The following GAD2 variants were observed in gnomAD, a reference collection of about 807,000 sequenced individuals.
GAD2 encodes the protein glutamate decarboxylase 2.
A neutral mutation model predicts 80.1 loss-of-function variants in GAD2; 22 were observed. The ratio of observed to expected loss-of-function variants is 0.27; its 90% CI spans 0.20 to 0.39. The LOEUF (loss-of-function observed/expected upper bound fraction) is 0.39. GAD2 is among the 10% of genes least tolerant of loss of function. The pLI is 1.00. For synonymous variants in GAD2, 274 were observed against 256.9 expected, an observed-to-expected ratio of 1.07 and a Z score of -0.64; for missense variants, 624 against 738.4, an observed-to-expected ratio of 0.85 and a Z score of 1.80.
chr10:26,255,954 T>G (rs902746349), intron 8 of GAD2, among the ~76,000 whole-genome samples: 1 of 152,132 alleles, frequency 6.6e-6, no homozygotes, highest in African/African-American at 2.4e-5. Context: ...GGGCTTAGCC[T>G]ATGTTGACAA....
chr10:26,225,093 C>T (rs1844504083), intron 6 of GAD2, among the ~76,000 whole-genome samples: 1 of 152,216 alleles, frequency 6.6e-6, no homozygotes, highest in Admixed American at 6.5e-5. Flanking sequence ...ATATGGACCA[C>T]TCTGTCTTTG....
intron 6 of GAD2, among the ~76,000 whole-genome samples, chr10:26,226,491 A>C (rs1373654616): frequency 6.6e-6 from 1 of 152,216 alleles, no homozygotes; most frequent in Non-Finnish European, 1.5e-5. Flanking sequence ...AGACAGCAGA[A>C]AAGGTCATTG....
intron 8 of GAD2, among the ~76,000 whole-genome samples, chr10:26,247,577 GGT>G (rs1223782197): frequency 1.3e-5 from 2 of 152,032 alleles, no homozygotes; most frequent in African/African-American, 4.8e-5. Flanking sequence ...CAGCAAATAC[GGT>G]GGCTCACGTG....
intron 4 of GAD2, among the ~76,000 whole-genome samples, chr10:26,223,123 G>A (rs1360752281): frequency 2.6e-5 from 4 of 152,228 alleles, no homozygotes; most frequent in Admixed American, 6.5e-5. Context: ...TAAGCCTTGC[G>A]ATGGACTAAT....
At chr10:26,297,130 T>C (rs1203868343) in intron 15 of GAD2, among the ~76,000 whole-genome samples, 4 of 152,088 alleles carry the variant, frequency 2.6e-5, no homozygotes, top group African/African-American at 4.8e-5. Flanking sequence ...TTTCACCATG[T>C]TGGCCAGGCT....
chr10:26,229,494 G>T (rs1185385238), intron 6 of GAD2, among the ~76,000 whole-genome samples, 168 bp from the exon 7 acceptor site: 2 of 152,152 alleles, frequency 1.3e-5, no homozygotes, highest in African/African-American at 4.8e-5. Flanking sequence ...GTCCCCATGT[G>T]CCCTCTGGGG....
chr10:26,254,989 T>C (rs1423679016), intron 8 of GAD2, among the ~76,000 whole-genome samples: 1 of 152,212 alleles, frequency 6.6e-6, no homozygotes, highest in African/African-American at 2.4e-5. Context: ...TTGGAGATAC[T>C]GAGTTTGACG....
At chr10:26,292,667 G>T (rs1834229703) in intron 14 of GAD2, 95 bp downstream of exon 14, 1 of 1,007,352 alleles carries the variant, frequency 9.9e-7, no homozygotes, top group South Asian at 1.4e-5. Flanking sequence ...AGGTAAGTGG[G>T]ACGATTACAG....
intron 13 of GAD2, among the ~76,000 whole-genome samples, chr10:26,290,021 A>G (rs549261098): frequency 5.9e-5 from 9 of 152,088 alleles, no homozygotes; most frequent in African/African-American, 1.9e-4. Flanking sequence ...TGGTTTTTTT[A>G]TGATTAGCTT....
At chr10:26,268,990 A>G in intron 8 of GAD2, 129 bp from the exon 9 acceptor site, 1 of 590,476 alleles carries the variant, frequency 1.7e-6, no homozygotes, top group Non-Finnish European at 3.0e-6. Context: ...GAAGCAGTCA[A>G]GGAGTTGTTT....
chr10:26,296,628 G>A (rs1363898008), intron 15 of GAD2, among the ~76,000 whole-genome samples: 1 of 152,146 alleles, frequency 6.6e-6, no homozygotes, highest in Non-Finnish European at 1.5e-5. Flanking sequence ...GGCAGCAAGT[G>A]GGCTGTGCCA....
At chr10:26,270,517 T>C in intron 9 of GAD2, 123 bp from the exon 10 acceptor site, 1 of 753,230 alleles carries the variant, frequency 1.3e-6, no homozygotes, top group East Asian at 2.5e-5. Flanking sequence ...TCAGTAACTC[T>C]GCTGCTGCTT....
chr10:26,240,436 C>A (rs1274210303), intron 7 of GAD2, among the ~76,000 whole-genome samples: 3 of 152,036 alleles, frequency 2.0e-5, no homozygotes, highest in South Asian at 2.1e-4. Context: ...AATCATGTAA[C>A]CTGTGTCTGG....
At chr10:26,264,226 A>T (rs1845041760) in intron 8 of GAD2, among the ~76,000 whole-genome samples, 1 of 152,232 alleles carries the variant, frequency 6.6e-6, no homozygotes, top group African/African-American at 2.4e-5. Context: ...ATAAATGAGT[A>T]AAAAGAAGAA....
At chr10:26,297,625 G>A (rs916808459) in intron 15 of GAD2, among the ~76,000 whole-genome samples, 1 of 152,160 alleles carries the variant, frequency 6.6e-6, no homozygotes, top group East Asian at 1.9e-4. Flanking sequence ...AAGTACAAAA[G>A]CCTAGAAATA....
chr10:26,223,572 T>G (rs930011160), intron 4 of GAD2, among the ~76,000 whole-genome samples: 30 of 152,110 alleles, frequency 2.0e-4, no homozygotes, highest in Non-Finnish European at 2.9e-5. Context: ...TCATGCAGAT[T>G]GCAAACCATA....
chr10:26,293,141 A>T, intron 15 of GAD2, 150 bp downstream of exon 15: 1 of 554,744 alleles, frequency 1.8e-6, no homozygotes, highest in Non-Finnish European at 3.2e-6. Context: ...GCCAGGACAT[A>T]TAGAGCCTGA....
rs1416850174 is a variant in GAD2 at position 26,296,986 on chromosome 10, C to T, written c.1585-3802C>T. Among the ~76,000 whole-genome samples the T allele has an allele frequency of 2.0e-5, 3 of 152,078 alleles. No individual in the cohort carries two copies. In the East Asian group the frequency reaches 5.8e-4, roughly 29 times the overall value. ...CTGGAGTACAGTGGTGCCATCTCGG[C>T]TCACTGCAACCTCCACCTCTCAGGT... On this transcript the variant is annotated intron_variant, in intron 15 of 15. Coordinates refer to ENST00000376261, the MANE Select transcript of GAD2 (RefSeq NM_001134366.2).
At chr10:26,276,744 G>A (rs4994426) in intron 11 of GAD2, among the ~76,000 whole-genome samples, 19,168 of 152,162 alleles carry the variant, frequency 0.13, 1,649 homozygotes, top group East Asian at 0.35. Flanking sequence ...GCTGCTTACC[G>A]TAATCATCCT....
Sources: gnomAD v4.1 joint callset for allele counts (sites outside exome capture counted in the v4.1 genomes callset) on GRCh38, gnomAD v4.1.1 for gene constraint, MANE v1.5 for transcripts, NCBI Gene and HGNC (gene_info 2026-07-23, HGNC 2026-07-21) for gene names.